RDX: variants seen among roughly 807,000 people sequenced by gnomAD.
The protein encoded by RDX is radixin.
Under a neutral mutation model 83.7 loss-of-function variants are expected in RDX, and 32 were observed. That is an observed-to-expected ratio of 0.38 (90% confidence interval 0.29 to 0.51). The LOEUF is 0.51. RDX is among the 20% of genes least tolerant of loss of function. RDX has a pLI of 0.87. For missense variants in RDX, 600 were observed against 689.9 expected (o/e 0.87, Z 1.46); for synonymous variants, 229 against 222.7 (o/e 1.03, Z -0.25).
intron 14 of RDX, among the ~76,000 whole-genome samples, chr11:110,210,596 C>T (rs1322002606): frequency 8.0e-5 from 12 of 150,598 alleles, no homozygotes; most frequent in Admixed American, 2.6e-4. Context: ...AGAGAAAGGT[C>T]GGGTTACCCT....
At chr11:110,180,865 T>C (rs1307441455) in intron 15 of RDX, among the ~76,000 whole-genome samples, 1 of 151,976 alleles carries the variant, frequency 6.6e-6, no homozygotes, top group Non-Finnish European at 1.5e-5. Flanking sequence ...AAATCGGAGC[T>C]CCAGCCCCCC....
At chr11:110,249,443 A>C (rs1279220896) in intron 9 of RDX, among the ~76,000 whole-genome samples, 1 of 152,154 alleles carries the variant, frequency 6.6e-6, no homozygotes, top group East Asian at 1.9e-4. Context: ...CTAAAACAGA[A>C]AGAGAGCTTA....
chr11:110,243,298 A>G lies in RDX; in HGVS notation c.1090+4405T>C, dbSNP rs111672185. The stretch of plus-strand genomic sequence containing the variant: ...CAAGTATTTAAGATAAGGGATACTC[A>G]ACCTGTATATTCACTATATACTCAC... On this transcript the variant is annotated intron_variant, in intron 10 of 13. Coordinates refer to ENST00000645495, the MANE Select transcript of RDX (RefSeq NM_002906.4). Among the ~76,000 whole-genome samples the G allele has an allele frequency of 6.6e-5, 10 of 152,312 alleles. 1 individual carries two copies. The highest frequency in any genetic ancestry group is 2.4e-4 in the African/African-American group (10 of 41,574).
At chr11:110,292,412 G>A (rs1861282098) in intron 1 of RDX, among the ~76,000 whole-genome samples, 1 of 152,158 alleles carries the variant, frequency 6.6e-6, no homozygotes, top group Non-Finnish European at 1.5e-5. Flanking sequence ...CAAGGCTGCA[G>A]TGAGCTGTAA....
intron 14 of RDX, among the ~76,000 whole-genome samples, chr11:110,218,809 C>T (rs1864147603): frequency 6.6e-6 from 1 of 152,166 alleles, no homozygotes; most frequent in Non-Finnish European, 1.5e-5. Flanking sequence ...GGATCATCTC[C>T]CACAGGAAGC....
rs1327497977 is a variant in RDX, at chr11:110,231,592, C to G, written c.*277G>C. Reference sequence around the variant, plus strand: ...GTCAGACGTGATAATTAGTGTTAATCTTCAACAGAAAAAAAAAAGAAAAAG... The same window carrying G: ...GTCAGACGTGATAATTAGTGTTAATGTTCAACAGAAAAAAAAAAGAAAAAG... On this transcript the variant is annotated 3_prime_UTR_variant, in exon 14 of 14. Coordinates refer to ENST00000645495, the MANE Select transcript of RDX (RefSeq NM_002906.4). 2.2e-6 allele frequency: 1 copy of G among 456,800 alleles called. No individual in the cohort carries two copies. Among genetic ancestry groups the G allele is most frequent in the African/African-American group, 2.0e-5 (1 of 50,614 alleles). 28.3% of individuals were successfully genotyped at this position (456,800 alleles called of 1,614,324 possible).
At chr11:110,272,419 A>C in intron 3 of RDX, 117 bp downstream of exon 3, 1 of 732,120 alleles carries the variant, frequency 1.4e-6, no homozygotes, top group Non-Finnish European at 2.5e-6. Context: ...TACTATGAAA[A>C]ATTCCAAGTG....
chr11:110,210,862 C>A (rs1412699469), intron 14 of RDX, among the ~76,000 whole-genome samples: 1 of 152,002 alleles, frequency 6.6e-6, no homozygotes, highest in Non-Finnish European at 1.5e-5. Flanking sequence ...AAAGGAACAA[C>A]CAGTACCAGC....
chr11:110,182,426 C>A (rs991670375), intron 15 of RDX, among the ~76,000 whole-genome samples: 3 of 152,154 alleles, frequency 2.0e-5, no homozygotes, highest in Non-Finnish European at 4.4e-5. Context: ...CATGGCAAAA[C>A]CCCGTCTCTA....
chr11:110,256,920 T>A (rs2134361585), intron 7 of RDX, among the ~76,000 whole-genome samples: 1 of 152,106 alleles, frequency 6.6e-6, no homozygotes, highest in East Asian at 1.9e-4. Context: ...GTAATAAAAA[T>A]TAAAATTCTG....
intron 2 of RDX, among the ~76,000 whole-genome samples, chr11:110,278,795 G>A (rs1397008912): frequency 6.9e-6 from 1 of 144,956 alleles, no homozygotes; most frequent in African/African-American, 2.5e-5. Context: ...ATCCGTGCTA[G>A]AAAATCCCAA....
Position 110,234,751 on chromosome 11 carries a change from T to C in RDX, c.1345-1272A>G, listed in dbSNP as rs144957556. ...AACAGTAGCATTCCTTTTGTAGTTT[T>C]ATTTATATATAACTAATTTTCAATA... On this transcript the variant is annotated intron_variant, in intron 12 of 13. Transcript: ENST00000645495. Among the ~76,000 whole-genome samples the C allele has an allele frequency of 1.1e-4, 16 of 152,302 alleles. No individual in the cohort carries two copies. The East Asian group carries it at 3.1e-3, about 29-fold the overall frequency.
At chr11:110,245,144 A>C (rs572875218) in intron 10 of RDX, among the ~76,000 whole-genome samples, 89 of 151,654 alleles carry the variant, frequency 5.9e-4, no homozygotes, top group Non-Finnish European at 1.0e-3. Flanking sequence ...GGAGATTTAC[A>C]CTCCACCGTG....
intron 5 of RDX, among the ~76,000 whole-genome samples, chr11:110,259,255 TCTA>T (rs1408431619): frequency 2.0e-5 from 3 of 152,184 alleles, no homozygotes; most frequent in African/African-American, 4.8e-5. Flanking sequence ...AACATTATAT[TCTA>T]CTACTACTAT....
At chr11:110,218,247 A>G (rs985952316) in intron 14 of RDX, among the ~76,000 whole-genome samples, 7 of 148,556 alleles carry the variant, frequency 4.7e-5, no homozygotes, top group African/African-American at 1.7e-4. Flanking sequence ...ATTTGGGGAA[A>G]ACACTTTGCA....
chr11:110,288,005 G>A (rs1861055792), intron 1 of RDX, among the ~76,000 whole-genome samples: 2 of 152,128 alleles, frequency 1.3e-5, no homozygotes, highest in African/African-American at 4.8e-5. Context: ...TTGTTAGCAG[G>A]TCAAGAGACT....
intron 2 of RDX, among the ~76,000 whole-genome samples, chr11:110,278,217 A>C (rs1183183667): frequency 7.1e-6 from 1 of 141,060 alleles, no homozygotes; most frequent in African/African-American, 2.7e-5. Context: ...GAAATCCAGG[A>C]GTGTAAGTTT....
intron 14 of RDX, chr11:110,199,704 A>G (rs1175817970): frequency 1.4e-6 from 1 of 703,030 alleles, no homozygotes; most frequent in Admixed American, 2.0e-5. Flanking sequence ...TTAAGAGATT[A>G]GAAAGCATTT....
rs143560119 is a variant in RDX at position 110,266,641 on chromosome 11, C to T, written c.97-1767G>A. Among the ~76,000 whole-genome samples, 961 of 152,002 alleles carry T rather than the reference C, an allele frequency of 6.3e-3. 11 individuals carry two copies. Among genetic ancestry groups the T allele is most frequent in the African/African-American group, 0.021 (868 of 41,490 alleles). On this transcript the variant is annotated intron_variant, in intron 3 of 13. Coordinates refer to ENST00000645495, the MANE Select transcript of RDX (RefSeq NM_002906.4). Reference sequence around the variant, plus strand: ...GAGTACAGTGGTGTGATTCACGGCTCACTGGAGCCTTGACCTCCTGGGCTG... The same window carrying T: ...GAGTACAGTGGTGTGATTCACGGCTTACTGGAGCCTTGACCTCCTGGGCTG...
Sources: gnomAD v4.1 joint callset for allele counts (sites outside exome capture counted in the v4.1 genomes callset) on GRCh38, gnomAD v4.1.1 for gene constraint, MANE v1.5 for transcripts, NCBI Gene and HGNC (gene_info 2026-07-23, HGNC 2026-07-21) for gene names.